The following KLHL6 variants were observed in gnomAD, a reference collection of about 807,000 sequenced individuals.
The protein encoded by KLHL6 is kelch like family member 6, also known as kelch-like protein 6.
Under a neutral mutation model 58.6 loss-of-function variants are expected in KLHL6, and 41 were observed. The observed-to-expected ratio is 0.70, with a 90% CI of 0.55 to 0.91. The LOEUF (loss-of-function observed/expected upper bound fraction) is 0.91, where lower values mean the gene tolerates loss of function less well. Ranked by LOEUF, KLHL6 falls within the 40% of genes least tolerant of loss-of-function variation. The pLI is 0.00. For missense variants in KLHL6, 714 were observed against 805.6 expected (o/e 0.89, Z 1.38); for synonymous variants, 338 against 322.7 (o/e 1.05, Z -0.51).
intron 1 of KLHL6, among the ~76,000 whole-genome samples, chr3:183,554,551 C>A (rs920640496): frequency 6.6e-6 from 1 of 152,150 alleles, no homozygotes; most frequent in African/African-American, 2.4e-5. Flanking sequence ...TAACTAGAGG[C>A]CTCTCCCATC....
At position 183,492,004 on chromosome 3, in the gene KLHL6, A is replaced by C. The variant is rs1717572478; in HGVS notation, c.1789T>G (p.Ser597Ala). ...TEECVLPRGV[S>A]HHGSVTIRKS... ...CTGATGGTGACGCTGCCGTGGTGCGACACGCCCCGGGGCAGGACGCACTCC... is the reference window on the plus strand; with the variant it reads ...CTGATGGTGACGCTGCCGTGGTGCGCCACGCCCCGGGGCAGGACGCACTCC... Residue 597 changes from serine (S) to alanine (A), a missense_variant, in exon 7 of 7, where the codon TCG (serine) becomes GCG (alanine). By Grantham distance (99) the Ser-to-Ala change is moderately conservative. Around this residue, in one of 2 missense-constraint regions of KLHL6, gnomAD observed 510 missense variants for 629.7 expected, o/e 0.81. Transcript: ENST00000341319. The surrounding 1 kb of genome is among the most constrained non-coding windows in gnomAD (Gnocchi z 5.9). The C allele has an allele frequency of 5.6e-6, 9 of 1,600,264 alleles. No homozygotes were observed. Among genetic ancestry groups the C allele is most frequent in the Non-Finnish European group, 7.7e-6 (9 of 1,170,824 alleles).
At chr3:183,545,771 C>T (rs919988405) in intron 1 of KLHL6, among the ~76,000 whole-genome samples, 1 of 152,188 alleles carries the variant, frequency 6.6e-6, no homozygotes, top group Non-Finnish European at 1.5e-5. Flanking sequence ...CATGAGCGAC[C>T]GGTTCAATCC....
intron 2 of KLHL6, among the ~76,000 whole-genome samples, chr3:183,510,912 G>A (rs1184722157): frequency 2.3e-5 from 2 of 87,742 alleles, no homozygotes; most frequent in South Asian, 3.4e-4. Context: ...GCATTTCTCC[G>A]AGGGTCAATG....
rs1447779317 is a variant in KLHL6, at chr3:183,492,285, C to T, written c.1565-57G>A. ...GCTCCATTTTTCTGGTTTCTTCCCT[C>T]TTAACCACTAAAATTCAACTTCTGA... On this transcript the variant is annotated intron_variant, in intron 6 of 6. Coordinates refer to ENST00000341319, the MANE Select transcript of KLHL6 (RefSeq NM_130446.4). This position sits in a 1 kb window ranked among gnomAD's most constrained non-coding sequence, Gnocchi z 5.9. The T allele has an allele frequency of 5.5e-6, 8 of 1,464,038 alleles. No homozygotes were observed. The highest frequency in any genetic ancestry group is 2.4e-5 in the East Asian group (1 of 41,276). The allele number at this position is 1,464,038 out of a possible 1,614,324, so 90.7% of individuals were successfully genotyped here. A position where few individuals can be genotyped will look rare whatever the true frequency, so the allele number is the denominator to read the frequency against.
rs1717585466 is a variant in KLHL6, at chr3:183,492,348, G to T, written c.1565-120C>A. On this transcript the variant is annotated intron_variant, in intron 6 of 6. Coordinates refer to ENST00000341319, the MANE Select transcript of KLHL6 (RefSeq NM_130446.4). This position sits in a 1 kb window ranked among gnomAD's most constrained non-coding sequence, Gnocchi z 5.9. Reference sequence around the variant, plus strand: ...TACCCTCTTGCCAAGAGAAACAGTCGATTGATGGCTCTCCTGAAAGCCAGA... The same window carrying T: ...TACCCTCTTGCCAAGAGAAACAGTCTATTGATGGCTCTCCTGAAAGCCAGA... 1 of 1,301,736 alleles carries T rather than the reference G, an allele frequency of 7.7e-7. No homozygotes were observed. Among genetic ancestry groups the T allele is most frequent in the African/African-American group, 1.5e-5 (1 of 67,720 alleles). The allele number at this position is 1,301,736 out of a possible 1,614,324, so 80.6% of individuals were successfully genotyped here.
At chr3:183,509,044 G>A (rs1718104945) in intron 2 of KLHL6, among the ~76,000 whole-genome samples, 2 of 152,098 alleles carry the variant, frequency 1.3e-5, no homozygotes, top group African/African-American at 4.8e-5. Context: ...TCCAGATTGT[G>A]GAAAACTCTA....
intron 1 of KLHL6, among the ~76,000 whole-genome samples, chr3:183,528,892 C>A (rs1327971472): frequency 6.6e-6 from 1 of 152,150 alleles, no homozygotes; most frequent in Non-Finnish European, 1.5e-5. Flanking sequence ...GACATAGAAT[C>A]AACCCAAATG....
intron 1 of KLHL6, among the ~76,000 whole-genome samples, chr3:183,554,747 A>G (rs2108704033): frequency 6.6e-6 from 1 of 152,376 alleles, no homozygotes; most frequent in East Asian, 1.9e-4. Flanking sequence ...AAAAGTCCCC[A>G]TGACTTCAGT....
In KLHL6 at chr3:183,492,027, T is replaced by G. The variant is rs1280072381; in HGVS notation, c.1766A>C (p.Glu589Ala). ...CGACACGCCCCGGGGCAGGACGCAC[T>G]CCTCTGTCAGTTTCTGGGCCTCGGG... is the stretch of plus-strand genomic sequence containing the variant. ...WDPEAQKLTE[E>A]CVLPRGVSHH... The change falls in exon 7 of 7, where the codon GAG becomes GCG. Residue 589 changes from glutamate (E) to alanine (A), a missense_variant. Transcript: ENST00000341319. This position sits in a 1 kb window ranked among gnomAD's most constrained non-coding sequence, Gnocchi z 5.9. The G allele has an allele frequency of 6.2e-7, 1 of 1,613,470 alleles. No homozygotes were observed. Among genetic ancestry groups the G allele is most frequent in the South Asian group, 1.1e-5 (1 of 91,036 alleles).
intron 1 of KLHL6, among the ~76,000 whole-genome samples, chr3:183,530,144 G>A (rs1316246185): frequency 2.0e-5 from 3 of 152,050 alleles, no homozygotes; most frequent in Admixed American, 6.6e-5. Context: ...AGCTGAATAA[G>A]GCACATTTTG....
Position 183,508,278 on chromosome 3 carries a change from G to C in KLHL6, c.690C>G (p.Thr230=), listed in dbSNP as rs750540937. 11 of 1,614,132 alleles carry C rather than the reference G, an allele frequency of 6.8e-6. No individual in the cohort carries two copies. In the East Asian group the frequency reaches 2.5e-4, roughly 36 times the overall value. The change falls in exon 3 of 7, where the codon ACC becomes ACG. Residue 230 remains threonine, a synonymous_variant. Coordinates refer to ENST00000341319, the MANE Select transcript of KLHL6 (RefSeq NM_130446.4). ...CGGTCTCAAACACCTGAGCCTCCTC[G>C]GTCACGTAAAGGTCATCACTCTTCA... ...HILKSDDLYV[T]EEAQVFETVM...
chr3:183,528,136 G>T, intron 1 of KLHL6, 126 bp from the exon 2 acceptor site: 1 of 979,286 alleles, frequency 1.0e-6, no homozygotes, highest in Non-Finnish European at 1.6e-6. Context: ...TCCTGGGCTG[G>T]TGGCTCTCTG....
At chr3:183,554,597 A>G (rs1047795367) in intron 1 of KLHL6, among the ~76,000 whole-genome samples, 4 of 152,120 alleles carry the variant, frequency 2.6e-5, no homozygotes, top group African/African-American at 4.8e-5. Flanking sequence ...CTTTCCCCAC[A>G]CTGCCTACAC....
intron 2 of KLHL6, chr3:183,520,803 C>T (rs1029007280): frequency 2.6e-5 from 4 of 152,124 alleles, no homozygotes; most frequent in Non-Finnish European, 5.9e-5. Flanking sequence ...AATGTGCGAT[C>T]GGGTTTTACA....
Position 183,492,265 on chromosome 3 carries a change from A to G in KLHL6, c.1565-37T>C. 1.3e-6 allele frequency: 2 copies of G among 1,526,334 alleles called. No individual in the cohort carries two copies. The highest frequency in any genetic ancestry group is 1.8e-6 in the Non-Finnish European group (2 of 1,132,148). The allele number at this position is 1,526,334 out of a possible 1,614,324, so 94.5% of individuals were successfully genotyped here. A position where few individuals can be genotyped will look rare whatever the true frequency, so the allele number is the denominator to read the frequency against. On this transcript the variant is annotated intron_variant, in intron 6 of 6. Coordinates refer to ENST00000341319, the MANE Select transcript of KLHL6 (RefSeq NM_130446.4). This position sits in a 1 kb window ranked among gnomAD's most constrained non-coding sequence, Gnocchi z 5.9. ...GAGGAAACACGGTGGGCATCGCTCC[A>G]TTTTTCTGGTTTCTTCCCTCTTAAC...
intron 1 of KLHL6, among the ~76,000 whole-genome samples, chr3:183,529,445 A>G (rs1704484975): frequency 6.6e-6 from 1 of 152,074 alleles, no homozygotes; most frequent in African/African-American, 2.4e-5. Context: ...AATTTTATTT[A>G]TTTTTAAAAT....
chr3:183,550,524 G>T (rs1163303055), intron 1 of KLHL6, among the ~76,000 whole-genome samples: 1 of 152,132 alleles, frequency 6.6e-6, no homozygotes, highest in Non-Finnish European at 1.5e-5. Context: ...GGCGTGGTGG[G>T]TGGCTCACAG....
chr3:183,529,324 ATT>A (rs59900314), intron 1 of KLHL6, among the ~76,000 whole-genome samples: 5 of 146,666 alleles, frequency 3.4e-5, no homozygotes, highest in African/African-American at 2.5e-5. Flanking sequence ...AGATATAGAG[ATT>A]TTTTTTTTTT....
At position 183,492,563 on chromosome 3, in the gene KLHL6, T is replaced by A. The variant is rs766985164; in HGVS notation, c.1495A>T (p.Lys499Ter). ...YDPSTNKWSL[K>*]AAMPVEAKCI... is the part of the protein sequence containing the mutation. The stretch of plus-strand genomic sequence containing the variant: ...TTAGCCTCCACGGGCATGGCCGCCT[T>A]CAAACTCCACTTGTTGGTGGAAGGG... The change falls in exon 6 of 7, where the codon AAG becomes TAG. Residue 499 changes from lysine to a stop codon, truncating the protein, a stop_gained. Coordinates refer to ENST00000341319, the MANE Select transcript of KLHL6 (RefSeq NM_130446.4). LOFTEE classifies it high-confidence loss of function. The surrounding 1 kb of genome is among the most constrained non-coding windows in gnomAD (Gnocchi z 5.9). 1.2e-5 allele frequency: 19 copies of A among 1,614,110 alleles called. No individual in the cohort carries two copies. Among genetic ancestry groups the A allele is most frequent in the Non-Finnish European group, 1.5e-5 (18 of 1,180,040 alleles).
Sources: gnomAD v4.1 joint callset for allele counts (sites outside exome capture counted in the v4.1 genomes callset) on GRCh38, gnomAD v4.1.1 for gene constraint, gnomAD v4.1.1 regional missense constraint, Gnocchi (gnomAD v3.1) non-coding constraint, MANE v1.5 for transcripts, NCBI Gene and HGNC (gene_info 2026-07-23, HGNC 2026-07-21) for gene names.